Variants in KLF13 observed in about 807,000 individuals in gnomAD.
KLF13 encodes the protein Krueppel-like factor 13.
A neutral mutation model predicts 16.7 loss-of-function variants in KLF13; 8 were observed. The observed-to-expected ratio is 0.48, with a 90% CI of 0.28 to 0.87. KLF13 has a LOEUF of 0.87. KLF13 is among the 40% of genes least tolerant of loss of function. KLF13 has a pLI of 0.10. For missense variants in KLF13, 447 were observed against 452.2 expected (o/e 0.99, Z 0.10); for synonymous variants, 245 against 208.4 (o/e 1.18, Z -1.51).
intron 1 of KLF13, among the ~76,000 whole-genome samples, chr15:31,383,396 G>T (rs1165801203): frequency 6.6e-6 from 1 of 152,188 alleles, no homozygotes; most frequent in Non-Finnish European, 1.5e-5. Flanking sequence ...GTGGAACCTG[G>T]ATTACAATGG....
At chr15:31,418,025 A>G (rs2040275847) in intron 1 of KLF13, among the ~76,000 whole-genome samples, 3 of 152,228 alleles carry the variant, frequency 2.0e-5, no homozygotes, top group African/African-American at 7.2e-5. Flanking sequence ...GAACTAAAAA[A>G]GATTTACTGT....
At chr15:31,351,723 T>C (rs1234316705) in intron 1 of KLF13, among the ~76,000 whole-genome samples, 2 of 151,918 alleles carry the variant, frequency 1.3e-5, no homozygotes, top group African/African-American at 4.8e-5. Flanking sequence ...TCTAAAAGGG[T>C]TTTGCACACC....
At chr15:31,329,796 T>A (rs1373585947) in intron 1 of KLF13, among the ~76,000 whole-genome samples, 1 of 151,992 alleles carries the variant, frequency 6.6e-6, no homozygotes. Flanking sequence ...TGTGCAGACA[T>A]CAGAAGTCCT....
chr15:31,354,898 GA>G (rs1194860107), intron 1 of KLF13, among the ~76,000 whole-genome samples: 1 of 152,102 alleles, frequency 6.6e-6, no homozygotes, highest in Non-Finnish European at 1.5e-5. Context: ...ATGAAAGCCT[GA>G]TACGTCTAAT....
intron 1 of KLF13, among the ~76,000 whole-genome samples, chr15:31,434,910 T>A (rs1316609404): frequency 1.3e-5 from 2 of 152,204 alleles, no homozygotes; most frequent in African/African-American, 4.8e-5. Flanking sequence ...CTGCTGTGTC[T>A]AGACTGCAGA....
At position 31,338,729 on chromosome 15, in the gene KLF13, G is replaced by A. The variant is rs976959915; in HGVS notation, c.577+10940G>A. Among the ~76,000 whole-genome samples the A allele has an allele frequency of 5.9e-5, 9 of 152,122 alleles. No homozygotes were observed. The East Asian group carries it at 7.7e-4, about 13-fold the overall frequency. Reference sequence around the variant, plus strand: ...TGCTCCTCCTCTGCAAACCAGGGGGGCCAGCAGCCTGCTGGGATCCTGGCC... The same window carrying A: ...TGCTCCTCCTCTGCAAACCAGGGGGACCAGCAGCCTGCTGGGATCCTGGCC... On this transcript the variant is annotated intron_variant, in intron 1 of 1. Transcript: ENST00000307145.
At chr15:31,394,731 G>A (rs1045473409) in intron 2 of KLF13, among the ~76,000 whole-genome samples, 5 of 152,068 alleles carry the variant, frequency 3.3e-5, no homozygotes, top group African/African-American at 4.8e-5. Flanking sequence ...ATTCACAGAC[G>A]TGCAACCATT....
At chr15:31,425,384 C>G (rs949970107) in intron 1 of KLF13, among the ~76,000 whole-genome samples, 1 of 152,182 alleles carries the variant, frequency 6.6e-6, no homozygotes, top group Non-Finnish European at 1.5e-5. Flanking sequence ...ATTCAAAATA[C>G]TACTCTGACA....
intron 1 of KLF13, among the ~76,000 whole-genome samples, chr15:31,410,582 A>AACACACAC (rs71110871): frequency 4.0e-4 from 59 of 146,946 alleles, no homozygotes; most frequent in African/African-American, 1.4e-3. Flanking sequence ...AACACCAACC[A>AACACACAC]ACACACACAC....
At chr15:31,337,832 G>A (rs371739428) in intron 1 of KLF13, among the ~76,000 whole-genome samples, 3 of 152,212 alleles carry the variant, frequency 2.0e-5, no homozygotes, top group African/African-American at 7.2e-5. Flanking sequence ...TTGCTGCTTG[G>A]CCTAAGGTGC....
downstream of KLF13, among the ~76,000 whole-genome samples, chr15:31,407,162 C>G (rs2040139826): frequency 6.6e-6 from 1 of 152,096 alleles, no homozygotes; most frequent in African/African-American, 2.4e-5. Context: ...TTAAAACTTT[C>G]TCAAGTTATT....
chr15:31,354,111 C>G (rs1194534559), intron 1 of KLF13, among the ~76,000 whole-genome samples: 1 of 152,068 alleles, frequency 6.6e-6, no homozygotes, highest in Non-Finnish European at 1.5e-5. Context: ...GGCCCCAGAG[C>G]CTGGCACAGC....
At chr15:31,342,451 G>C (rs972831457) in intron 1 of KLF13, among the ~76,000 whole-genome samples, 1 of 152,212 alleles carries the variant, frequency 6.6e-6, no homozygotes, top group Non-Finnish European at 1.5e-5. Flanking sequence ...CAGCTCTTTA[G>C]TAGAGAACAG....
chr15:31,415,156 A>G (rs75353511), intron 1 of KLF13, among the ~76,000 whole-genome samples: 2,679 of 152,210 alleles, frequency 0.018, 33 homozygotes, highest in Middle Eastern at 0.031. Flanking sequence ...CCGTGAGTCC[A>G]TGAGTGAAAG....
chr15:31,350,534 T>A (rs1487262058), intron 1 of KLF13, among the ~76,000 whole-genome samples: 2 of 152,246 alleles, frequency 1.3e-5, no homozygotes, highest in African/African-American at 4.8e-5. Flanking sequence ...ATTATGCCCC[T>A]GCAGGGTTCA....
intron 1 of KLF13, among the ~76,000 whole-genome samples, chr15:31,369,019 G>T (rs970178562): frequency 6.6e-5 from 10 of 152,144 alleles, no homozygotes; most frequent in Non-Finnish European, 1.5e-4. Context: ...ATCAAATTTA[G>T]ATATTTTCTG....
At chr15:31,380,261 C>T (rs1250779872), downstream of KLF13, among the ~76,000 whole-genome samples, 1 of 152,182 alleles carries the variant, frequency 6.6e-6, no homozygotes, top group Non-Finnish European at 1.5e-5. Flanking sequence ...AACTGCACTT[C>T]AGCATGGACA....
chr15:31,391,855 G>A (rs1035219035), upstream of KLF13, among the ~76,000 whole-genome samples: 3 of 152,144 alleles, frequency 2.0e-5, no homozygotes, highest in Admixed American at 1.3e-4. Flanking sequence ...CCAGGCTCTA[G>A]TAAGTTCCTG....
At chr15:31,349,375 G>A (rs369880982) in intron 1 of KLF13, among the ~76,000 whole-genome samples, 154 of 152,342 alleles carry the variant, frequency 1.0e-3, no homozygotes, top group African/African-American at 3.7e-3. Flanking sequence ...ACCAATGCCC[G>A]CTGGGCCACA....
Sources: allele counts gnomAD v4.1 joint callset (sites outside exome capture counted in the v4.1 genomes callset), GRCh38; gene constraint gnomAD v4.1.1; transcripts MANE v1.5; gene names NCBI Gene and HGNC (gene_info 2026-07-23, HGNC 2026-07-21).